SAE1: variants seen among roughly 807,000 people sequenced by gnomAD.
SAE1 encodes the protein SUMO1 activating enzyme subunit 1.
In SAE1, 11 loss-of-function variants were observed where a neutral mutation model predicts 40.6. The observed-to-expected ratio is 0.27, with a 90% CI of 0.17 to 0.45. The LOEUF is 0.45. SAE1 is among the 20% of genes least tolerant of loss of function. SAE1 has a pLI of 1.00. For synonymous variants in SAE1, 155 were observed against 154.3 expected (o/e 1.00, Z -0.03); for missense variants, 373 against 427.3 (o/e 0.87, Z 1.12).
intron 2 of SAE1, among the ~76,000 whole-genome samples, chr19:47,145,440 C>T (rs1299835251): frequency 5.3e-5 from 8 of 152,114 alleles, no homozygotes; most frequent in Admixed American, 5.2e-4. Flanking sequence ...AGCTACCATC[C>T]CCTGCTGACA....
chr19:47,142,778 T>C (rs1319047718), intron 1 of SAE1, among the ~76,000 whole-genome samples: 1 of 152,204 alleles, frequency 6.6e-6, no homozygotes, highest in Non-Finnish European at 1.5e-5. Flanking sequence ...TTTATTTCAT[T>C]TTGATTTTTG....
At chr19:47,150,442 T>C in intron 3 of SAE1, 67 bp downstream of exon 3, 1 of 1,283,296 alleles carries the variant, frequency 7.8e-7, no homozygotes, top group Non-Finnish European at 1.1e-6. Flanking sequence ...GTATATACTT[T>C]CAAATCCCAA....
intron 6 of SAE1, among the ~76,000 whole-genome samples, chr19:47,188,197 A>G (rs1478799460): frequency 6.6e-6 from 1 of 151,932 alleles, no homozygotes; most frequent in Admixed American, 6.6e-5. Context: ...AAAAATAAAA[A>G]ATGAACCACC....
intron 1 of SAE1, among the ~76,000 whole-genome samples, chr19:47,135,866 C>T (rs2058176059): frequency 6.6e-6 from 1 of 151,830 alleles, no homozygotes; most frequent in Admixed American, 6.6e-5. Flanking sequence ...TGCAGTGGCG[C>T]AGTCTTGGTT....
chr19:47,153,897 T>C (rs2058303550), intron 4 of SAE1, among the ~76,000 whole-genome samples: 1 of 151,866 alleles, frequency 6.6e-6, no homozygotes, highest in Admixed American at 6.6e-5. Context: ...GTTCAAGCCA[T>C]TCTCCTGCCT....
chr19:47,153,140 G>C (rs1210487588), intron 4 of SAE1, 100 bp downstream of exon 4: 4 of 1,093,170 alleles, frequency 3.7e-6, no homozygotes, highest in Non-Finnish European at 5.1e-6. Context: ...CAGGATCTAT[G>C]CTATGTTGTT....
intron 6 of SAE1, among the ~76,000 whole-genome samples, chr19:47,193,527 T>A (rs919315215): frequency 6.6e-6 from 1 of 151,414 alleles, no homozygotes; most frequent in African/African-American, 2.4e-5. Context: ...TTTTTTTTTT[T>A]AAAGAAATTA....
intron 1 of SAE1, among the ~76,000 whole-genome samples, chr19:47,143,067 A>G (rs777179489): frequency 7.2e-5 from 11 of 152,080 alleles, no homozygotes; most frequent in Non-Finnish European, 1.6e-4. Context: ...TCTCTTTCCT[A>G]GATTCGAGGT....
chr19:47,182,543 A>G (rs747015192), intron 6 of SAE1, among the ~76,000 whole-genome samples: 38 of 151,874 alleles, frequency 2.5e-4, no homozygotes, highest in Non-Finnish European at 4.9e-4. Flanking sequence ...TCAGTGGTAG[A>G]GAATGCAGAC....
chr19:47,147,445 TTA>T (rs2058261450), intron 2 of SAE1, among the ~76,000 whole-genome samples: 1 of 151,276 alleles, frequency 6.6e-6, no homozygotes, highest in Non-Finnish European at 1.5e-5. Context: ...CTGGGCTCAA[TTA>T]TATGTTTTTT....
intron 8 of SAE1, among the ~76,000 whole-genome samples, chr19:47,205,797 T>C (rs1227422675): frequency 6.6e-6 from 1 of 152,198 alleles, no homozygotes; most frequent in Non-Finnish European, 1.5e-5. Flanking sequence ...CTGTGATCCC[T>C]GGTTTATAAA....
chr19:47,135,015 G>A (rs1319302832), intron 1 of SAE1, among the ~76,000 whole-genome samples: 2 of 152,210 alleles, frequency 1.3e-5, no homozygotes, highest in East Asian at 1.9e-4. Flanking sequence ...ATTTTCAGCC[G>A]AGGTTTTTAG....
chr19:47,138,118 A>C (rs965852392), intron 1 of SAE1, among the ~76,000 whole-genome samples: 1 of 151,886 alleles, frequency 6.6e-6, no homozygotes, highest in African/African-American at 2.4e-5. Context: ...ATCTAGACTC[A>C]CTGCAACCTC....
At chr19:47,180,016 C>G in intron 6 of SAE1, 1 of 363,878 alleles carries the variant, frequency 2.7e-6, no homozygotes, top group South Asian at 2.1e-5. Context: ...GTGGGAAAGG[C>G]TAGAAGGAGC....
intron 6 of SAE1, among the ~76,000 whole-genome samples, chr19:47,185,403 C>T (rs2123286352): frequency 6.6e-6 from 1 of 152,018 alleles, no homozygotes; most frequent in African/African-American, 2.4e-5. Context: ...CTCCCAGGTT[C>T]AAGTGATTTT....
At chr19:47,139,837 G>T (rs2058207826) in intron 1 of SAE1, among the ~76,000 whole-genome samples, 1 of 146,590 alleles carries the variant, frequency 6.8e-6, no homozygotes, top group African/African-American at 2.5e-5. Context: ...TCCTGACCTC[G>T]TGATCTGCCC....
At chr19:47,150,525 T>G (rs2058281757) in intron 3 of SAE1, 150 bp downstream of exon 3, 2 of 640,186 alleles carry the variant, frequency 3.1e-6, no homozygotes, top group Non-Finnish European at 5.2e-6. Context: ...TTCTATTGTT[T>G]AGGCTTAGTA....
In SAE1 at chr19:47,130,947, A is replaced by G. The variant is rs747294644; in HGVS notation, c.17A>G (p.Glu6Gly). The part of the protein sequence containing the change: MVEKE[E>G]AGGGISEEEA... ...GCCGGCGCCATGGTGGAGAAGGAGG[A>G]GGCTGGCGGCGGCATTAGCGAGGAG... Residue 6 changes from glutamate to glycine, a missense_variant, in exon 1 of 9, where the codon GAG becomes GGG. Around this residue, in one of 3 missense-constraint regions of SAE1, gnomAD observed 18 missense variants for 18.0 expected, o/e 1.00. Coordinates refer to ENST00000270225, the MANE Select transcript of SAE1 (RefSeq NM_005500.3). 7.1e-6 allele frequency: 11 copies of G among 1,549,836 alleles called. No individual in the cohort carries two copies. The highest frequency in any genetic ancestry group is 1.4e-5 in the African/African-American group (1 of 72,872).
rs572060483 is a variant in SAE1, at chr19:47,189,135, C to G, written c.734-8098C>G. The stretch of plus-strand genomic sequence containing the variant: ...ACTGAATGTCAGGCCCAGGGCTTTG[C>G]CTTAGGAAACAGGCTGTTGGATAAG... On this transcript the variant is annotated intron_variant, in intron 6 of 8. Coordinates refer to ENST00000270225, the MANE Select transcript of SAE1 (RefSeq NM_005500.3). Among the ~76,000 whole-genome samples, 9 of 152,240 alleles carry G rather than the reference C, an allele frequency of 5.9e-5. No individual in the cohort carries two copies. In the South Asian group the frequency reaches 1.9e-3, roughly 32 times the overall value.
Sources: allele counts gnomAD v4.1 joint callset (sites outside exome capture counted in the v4.1 genomes callset), GRCh38; gene constraint gnomAD v4.1.1; regional missense constraint gnomAD v4.1.1; transcripts MANE v1.5; gene names NCBI Gene and HGNC (gene_info 2026-07-23, HGNC 2026-07-21).